The following MARK3 variants were observed in gnomAD, a reference collection of about 807,000 sequenced individuals.
MARK3 encodes MAP/microtubule affinity-regulating kinase 3.
A neutral mutation model predicts 90.1 loss-of-function variants in MARK3; 46 were observed. That is an observed-to-expected ratio of 0.51 (90% CI 0.40 to 0.65). The LOEUF is 0.65. Among genes scored for constraint, MARK3 ranks in the 30% least tolerant of loss-of-function variants. The pLI, the probability that MARK3 is intolerant of heterozygous loss-of-function variation, is 0.00. For synonymous variants in MARK3, 321 were observed against 332.6 expected (o/e 0.97, Z 0.38); for missense variants, 818 against 947.2 (o/e 0.86, Z 1.79).
chr14:103,501,006 T>C (rs9671911), intron 17 of MARK3, among the ~76,000 whole-genome samples: 50,809 of 152,110 alleles, frequency 0.33, 8,843 homozygotes, highest in Middle Eastern at 0.46. Flanking sequence ...ATGTCCCTTG[T>C]TCTAGGTCTC....
At chr14:103,387,966 C>CGACA (rs773294414) in intron 1 of MARK3, among the ~76,000 whole-genome samples, 34 of 152,166 alleles carry the variant, frequency 2.2e-4, no homozygotes, top group Non-Finnish European at 7.3e-5. Flanking sequence ...GAGTCTGGCT[C>CGACA]TGTCTCCCAG....
chr14:103,411,951 C>CTTTT (rs56292310), intron 2 of MARK3, among the ~76,000 whole-genome samples: 13 of 143,250 alleles, frequency 9.1e-5, no homozygotes, highest in Middle Eastern at 7.0e-3. Flanking sequence ...ATTTTCATAG[C>CTTTT]TTTTTTTTTT....
Position 103,475,200 on chromosome 14 carries a change from C to T in MARK3, c.1472C>T (p.Thr491Ile). The T allele has an allele frequency of 1.2e-6, 2 of 1,613,038 alleles. No homozygotes were observed. The highest frequency in any genetic ancestry group is 2.2e-5 in the South Asian group (2 of 91,030). ...ATTCCTGAACGCAAGAAAAGCTCCA[C>T]TGTCCCTAGTGTAAGTGTTGTTGAA... ...ADIPERKKSS[T>I]VPSSNTASGG... The change falls in exon 13 of 18, where the codon ACT becomes ATT. Residue 491 changes from threonine (T) to isoleucine (I), a missense_variant. Physicochemically the swap from Thr to Ile is moderately conservative, Grantham distance 89 (BLOSUM62 -1). This residue lies in a region of MARK3 where 560 missense variants were observed against 613.5 expected (regional missense o/e 0.91). Coordinates refer to ENST00000429436, the MANE Select transcript of MARK3 (RefSeq NM_001128918.3).
intron 12 of MARK3, among the ~76,000 whole-genome samples, chr14:103,474,635 T>C (rs2093685546): frequency 6.6e-6 from 1 of 152,240 alleles, no homozygotes; most frequent in South Asian, 2.1e-4. Flanking sequence ...CAAAAGAGGA[T>C]GTAATTCACT....
At chr14:103,401,012 GA>G (rs1261406184) in intron 1 of MARK3, among the ~76,000 whole-genome samples, 3 of 143,562 alleles carry the variant, frequency 2.1e-5, no homozygotes, top group Non-Finnish European at 4.5e-5. Flanking sequence ...TCCTTAGGAA[GA>G]AAAAAATACG....
At chr14:103,446,124 G>T (rs1055915393) in intron 3 of MARK3, among the ~76,000 whole-genome samples, 13 of 152,204 alleles carry the variant, frequency 8.5e-5, no homozygotes, top group African/African-American at 3.1e-4. Context: ...CAGGAAAGAA[G>T]TGAACAGATG....
intron 15 of MARK3, among the ~76,000 whole-genome samples, chr14:103,498,208 TAAA>T (rs35854622): frequency 6.8e-5 from 10 of 146,936 alleles, no homozygotes; most frequent in Non-Finnish European, 6.0e-5. Context: ...ACTCTGTCTT[TAAA>T]AAAAAAAAAA....
At chr14:103,421,593 A>G (rs1205944332) in intron 2 of MARK3, among the ~76,000 whole-genome samples, 1 of 152,164 alleles carries the variant, frequency 6.6e-6, no homozygotes, top group Non-Finnish European at 1.5e-5. Context: ...GGGACATTCC[A>G]CACACGCAAC....
At chr14:103,390,599 A>C (rs2090171948) in intron 1 of MARK3, among the ~76,000 whole-genome samples, 1 of 152,224 alleles carries the variant, frequency 6.6e-6, no homozygotes, top group South Asian at 2.1e-4. Context: ...AAAACTGCAA[A>C]AAAAATCTCA....
At chr14:103,502,834 T>C (rs1394297322) in intron 17 of MARK3, 48 bp from the exon 18 acceptor site, 5 of 1,490,864 alleles carry the variant, frequency 3.4e-6, no homozygotes, top group Admixed American at 1.9e-5. Context: ...GTGTAAGAGG[T>C]TGATTTTCCT....
chr14:103,421,668 C>G (rs1181720098), intron 2 of MARK3, among the ~76,000 whole-genome samples: 1 of 152,130 alleles, frequency 6.6e-6, no homozygotes, highest in Non-Finnish European at 1.5e-5. Context: ...GGTTGTCTTT[C>G]TGTGCCCTGC....
intron 1 of MARK3, among the ~76,000 whole-genome samples, chr14:103,389,943 C>CAAAAA (rs71126011): frequency 6.8e-5 from 2 of 29,616 alleles, no homozygotes; most frequent in African/African-American, 2.0e-4. Flanking sequence ...TACTCCGTCT[C>CAAAAA]AAAAAAAAAA....
In MARK3 at chr14:103,462,402, C is replaced by A; in HGVS notation, c.484-3C>A. The stretch of plus-strand genomic sequence containing the variant: ...TGACTGACTCTGCGTCTCTCCTATT[C>A]AGATTGTGTCTGCAGTTCAATACTG... On this transcript the variant is annotated splice_region_variant and splice_polypyrimidine_tract_variant and intron_variant, in intron 6 of 17. Coordinates refer to ENST00000429436, the MANE Select transcript of MARK3 (RefSeq NM_001128918.3). 6.3e-7 allele frequency: 1 copy of A among 1,599,650 alleles called. No individual in the cohort carries two copies. The highest frequency in any genetic ancestry group is 1.1e-5 in the South Asian group (1 of 90,556).
chr14:103,503,402 T>A lies in MARK3; in HGVS notation c.*175T>A. The A allele has an allele frequency of 3.2e-6, 2 of 634,058 alleles. No homozygotes were observed. The highest frequency in any genetic ancestry group is 5.4e-6 in the Non-Finnish European group (2 of 371,328). The allele number at this position is 634,058 out of a possible 1,614,324, so 39.3% of individuals were successfully genotyped here. A position where few individuals can be genotyped will look rare whatever the true frequency, so the allele number is the denominator to read the frequency against. On this transcript the variant is annotated 3_prime_UTR_variant, in exon 18 of 18. Transcript: ENST00000429436. ...GCTGGCCTTTTTTCTACGAATGCACTACATTAAAGATGTGCAACCTATGCG... is the reference window on the plus strand; with the variant it reads ...GCTGGCCTTTTTTCTACGAATGCACAACATTAAAGATGTGCAACCTATGCG...
intron 3 of MARK3, among the ~76,000 whole-genome samples, chr14:103,440,949 G>A (rs12587310): frequency 0.71 from 102,028 of 144,470 alleles, 36,553 homozygotes; most frequent in East Asian, 0.85. Flanking sequence ...AAAAAAAAAA[G>A]AAAAGAAAAG....
intron 2 of MARK3, among the ~76,000 whole-genome samples, chr14:103,413,667 A>G (rs1206461514): frequency 6.6e-6 from 1 of 151,552 alleles, no homozygotes; most frequent in Non-Finnish European, 1.5e-5. Flanking sequence ...CATATTGCCC[A>G]GGCTGGTCTT....
chr14:103,493,258 A>ATTTTTT (rs10678432), intron 15 of MARK3, among the ~76,000 whole-genome samples: 8 of 105,362 alleles, frequency 7.6e-5, no homozygotes, highest in Admixed American at 1.2e-4. Context: ...TTTTTTTTTA[A>ATTTTTT]TTTTTTTTTT....
At chr14:103,491,682 A>G in intron 14 of MARK3, 95 bp from the exon 15 acceptor site, 1 of 1,384,478 alleles carries the variant, frequency 7.2e-7, no homozygotes, top group Non-Finnish European at 9.8e-7. Context: ...TGGATTTTTT[A>G]TACCCGATTT....
At chr14:103,411,147 G>A (rs1020975277) in intron 2 of MARK3, among the ~76,000 whole-genome samples, 8 of 151,916 alleles carry the variant, frequency 5.3e-5, no homozygotes, top group East Asian at 1.9e-4. Context: ...GGTGGCGGGC[G>A]CCTGTAGCCC....
Sources: gnomAD v4.1 joint callset for allele counts (sites outside exome capture counted in the v4.1 genomes callset) on GRCh38, gnomAD v4.1.1 for gene constraint, gnomAD v4.1.1 regional missense constraint, MANE v1.5 for transcripts, NCBI Gene and HGNC (gene_info 2026-07-23, HGNC 2026-07-21) for gene names.